Variants in PITPNC1 observed in about 807,000 individuals in gnomAD.
PITPNC1 encodes cytoplasmic phosphatidylinositol transfer protein 1.
Under a neutral mutation model 44.7 loss-of-function variants are expected in PITPNC1, and 18 were observed. The ratio of observed to expected loss-of-function variants is 0.40; its 90% CI spans 0.28 to 0.60. The LOEUF is 0.60. Among genes scored for constraint, PITPNC1 ranks in the 20% least tolerant of loss-of-function variants. The probability of loss-of-function intolerance (pLI) is 0.39; values close to 1 mark genes in which losing one functional copy is unlikely to be tolerated. For synonymous variants in PITPNC1, 141 were observed against 149.6 expected (o/e 0.94, Z 0.42); for missense variants, 290 against 418.4 (o/e 0.69, Z 2.68).
In PITPNC1 at chr17:67,597,464, G is replaced by A. The variant is rs1004804545; in HGVS notation, c.366+19207G>A. On this transcript the variant is annotated intron_variant, in intron 5 of 8. Coordinates refer to ENST00000581322, the MANE Select transcript of PITPNC1 (RefSeq NM_012417.4). This position sits in a 1 kb window ranked among gnomAD's most constrained non-coding sequence, Gnocchi z 4.0. ...AGCTACTCAGGAGGCTGAGGCAGGA[G>A]AATCACTTGAATACGGGAGGTGGAG... Among the ~76,000 whole-genome samples, 11 of 152,142 alleles carry A rather than the reference G, an allele frequency of 7.2e-5. No individual in the cohort carries two copies. Among genetic ancestry groups the A allele is most frequent in the African/African-American group, 2.7e-4 (11 of 41,436 alleles).
rs199550886 is a variant in PITPNC1, at chr17:67,425,199, A to ACACG, written c.48+47001_48+47004dup. 9.9e-4 allele frequency among the ~76,000 whole-genome samples: 62 copies of ACACG among 62,596 alleles called. 1 individual carries two copies. The highest frequency in any genetic ancestry group is 1.7e-3 in the Non-Finnish European group (52 of 31,048). The allele number at this position is 62,596 out of a possible 152,430, so 41.1% of individuals were successfully genotyped here. A position where few individuals can be genotyped will look rare whatever the true frequency, so the allele number is the denominator to read the frequency against. On this transcript the variant is annotated intron_variant, in intron 1 of 8. Coordinates refer to ENST00000581322, the MANE Select transcript of PITPNC1 (RefSeq NM_012417.4). Reference sequence around the variant, plus strand: ...ACAGCCATGTTGTGCGCGCGCACGCACACGCACACACACACACACACACAC... The same window carrying ACACG: ...ACAGCCATGTTGTGCGCGCGCACGCACACGCACGCACACACACACACACACACAC...
intron 4 of PITPNC1, among the ~76,000 whole-genome samples, chr17:67,571,833 A>G (rs916459911): frequency 1.3e-5 from 2 of 152,146 alleles, no homozygotes; most frequent in Admixed American, 1.3e-4. Flanking sequence ...TCTTTTTGCT[A>G]TCAATCAAAA....
At chr17:67,633,741 A>G (rs781700183) in intron 6 of PITPNC1, among the ~76,000 whole-genome samples, 15 of 152,394 alleles carry the variant, frequency 9.8e-5, no homozygotes, top group African/African-American at 3.6e-4. Context: ...CCAGTGCTTA[A>G]TGGGGCTCTG....
intron 4 of PITPNC1, 83 bp downstream of exon 4, chr17:67,553,700 C>A: frequency 3.9e-6 from 2 of 509,174 alleles, no homozygotes; most frequent in South Asian, 4.3e-5. Flanking sequence ...CTTGTCTTAT[C>A]AATGTAATAA....
At position 67,693,648 on chromosome 17, in the gene PITPNC1, G is replaced by C. The variant is rs1270733123; in HGVS notation, c.*760G>C. ...TTAGGAACCAAGAGGCCCAGGTGAG[G>C]CAACATCTTTTTTCTCTACAGGTAC... On this transcript the variant is annotated 3_prime_UTR_variant, in exon 9 of 9. Transcript: ENST00000581322. The C allele has an allele frequency of 6.6e-6, 1 of 152,218 alleles. No homozygotes were observed. The highest frequency in any genetic ancestry group is 1.5e-5 in the Non-Finnish European group (1 of 68,024). The allele number at this position is 152,218 out of a possible 1,614,324, so 9.4% of individuals were successfully genotyped here. A position where few individuals can be genotyped will look rare whatever the true frequency, so the allele number is the denominator to read the frequency against.
At chr17:67,495,916 A>G (rs931102179) in intron 1 of PITPNC1, among the ~76,000 whole-genome samples, 2 of 152,252 alleles carry the variant, frequency 1.3e-5, no homozygotes, top group African/African-American at 4.8e-5. Flanking sequence ...TTTAAGCCAA[A>G]GACGTTAATC....
At chr17:67,451,197 A>G (rs895413352) in intron 1 of PITPNC1, among the ~76,000 whole-genome samples, 11 of 151,802 alleles carry the variant, frequency 7.2e-5, no homozygotes, top group Non-Finnish European at 1.5e-4. Context: ...ACACCCAGCT[A>G]ATATTTGTAT....
At chr17:67,665,444 T>C (rs1484826637) in intron 6 of PITPNC1, among the ~76,000 whole-genome samples, 1 of 152,182 alleles carries the variant, frequency 6.6e-6, no homozygotes, top group African/African-American at 2.4e-5. Flanking sequence ...CGGGCAGATA[T>C]CTAGGAGTGA....
At chr17:67,691,575 A>G (rs1203306155) in intron 8 of PITPNC1, among the ~76,000 whole-genome samples, 1 of 152,114 alleles carries the variant, frequency 6.6e-6, no homozygotes, top group Non-Finnish European at 1.5e-5. Context: ...GAAATTGTTG[A>G]TTTACGTGTT....
At chr17:67,451,677 C>A (rs983442397) in intron 1 of PITPNC1, among the ~76,000 whole-genome samples, 1 of 149,312 alleles carries the variant, frequency 6.7e-6, no homozygotes, top group Non-Finnish European at 1.5e-5. Context: ...CTCGCTCTGT[C>A]GCCCAGGCTG....
chr17:67,379,209 A>G (rs2037920592), intron 1 of PITPNC1: 1 of 985,920 alleles, frequency 1.0e-6, no homozygotes. Flanking sequence ...GGCAACACAC[A>G]TGAAATCAGC....
At chr17:67,432,532 AAAAT>A (rs2038872475) in intron 1 of PITPNC1, among the ~76,000 whole-genome samples, 1 of 149,174 alleles carries the variant, frequency 6.7e-6, no homozygotes, top group South Asian at 2.1e-4. Flanking sequence ...AATAAATAAT[AAAAT>A]AAAATAAAAC....
chr17:67,653,159 G>A (rs1312942237), intron 6 of PITPNC1, among the ~76,000 whole-genome samples: 5 of 152,084 alleles, frequency 3.3e-5, no homozygotes, highest in Non-Finnish European at 7.3e-5. Context: ...GTGGGCGCCT[G>A]TAGTCCCAGC....
intron 1 of PITPNC1, among the ~76,000 whole-genome samples, chr17:67,464,302 A>C (rs1598701047): frequency 6.6e-6 from 1 of 152,178 alleles, no homozygotes; most frequent in Non-Finnish European, 1.5e-5. Flanking sequence ...TGGATTATTC[A>C]TCTAAGTGAG....
intron 1 of PITPNC1, among the ~76,000 whole-genome samples, chr17:67,470,499 T>G (rs1439570697): frequency 1.3e-5 from 2 of 152,254 alleles, no homozygotes; most frequent in Non-Finnish European, 2.9e-5. Context: ...CATACAGATG[T>G]AGTCTCTTGT....
chr17:67,425,186 T>TGGGCGC (rs1447478316), intron 1 of PITPNC1, among the ~76,000 whole-genome samples: 1 of 55,724 alleles, frequency 1.8e-5, no homozygotes. Flanking sequence ...AGCCATGTTG[T>TGGGCGC]GCGCGCGCAC....
At chr17:67,578,517 A>T (rs762799367) in intron 5 of PITPNC1, among the ~76,000 whole-genome samples, 39 of 152,282 alleles carry the variant, frequency 2.6e-4, no homozygotes, top group Middle Eastern at 3.4e-3. Flanking sequence ...GGTGATTGTC[A>T]TGGAGGTGGA....
intron 1 of PITPNC1, among the ~76,000 whole-genome samples, chr17:67,443,515 T>C (rs1040457183): frequency 6.6e-6 from 1 of 151,914 alleles, no homozygotes; most frequent in African/African-American, 2.4e-5. Context: ...ACCGGGGCTT[T>C]TCATGTCTAA....
intron 6 of PITPNC1, among the ~76,000 whole-genome samples, chr17:67,649,792 G>T (rs542083285): frequency 6.6e-6 from 1 of 151,908 alleles, no homozygotes. Context: ...TCAATAATTT[G>T]CTAGAAAGGC....
Sources: gnomAD v4.1 joint callset for allele counts (sites outside exome capture counted in the v4.1 genomes callset) on GRCh38, gnomAD v4.1.1 for gene constraint, Gnocchi (gnomAD v3.1) non-coding constraint, MANE v1.5 for transcripts, NCBI Gene and HGNC (gene_info 2026-07-23, HGNC 2026-07-21) for gene names.